MRPS28: variants seen among roughly 807,000 people sequenced by gnomAD.
MRPS28 encodes the protein mitochondrial ribosomal protein S28, also known as small ribosomal subunit protein bS1m.
A neutral mutation model predicts 10.8 loss-of-function variants in MRPS28; 7 were observed. The ratio of observed to expected loss-of-function variants is 0.65; its 90% CI spans 0.37 to 1.22. MRPS28 has a LOEUF of 1.22. MRPS28 is among the 50% of genes most tolerant of loss of function. The probability of loss-of-function intolerance (pLI) is 0.02; values close to 1 mark genes in which losing one functional copy is unlikely to be tolerated. For synonymous variants in MRPS28, 121 were observed against 93.3 expected (o/e 1.30, Z -1.71); for missense variants, 265 against 232.9 (o/e 1.14, Z -0.90).
At chr8:80,008,345 T>C (rs1157898505) in intron 1 of MRPS28, among the ~76,000 whole-genome samples, 2 of 134,908 alleles carry the variant, frequency 1.5e-5, no homozygotes, top group African/African-American at 2.6e-5. Flanking sequence ...GGCAATACCA[T>C]ACAGGACAAA....
intron 2 of MRPS28, among the ~76,000 whole-genome samples, chr8:79,955,196 T>C (rs1403285393): frequency 6.6e-5 from 10 of 152,308 alleles, no homozygotes; most frequent in African/African-American, 1.7e-4. Context: ...TCACAAGCCA[T>C]TGCCCAGTTT....
chr8:79,933,116 T>C (rs892790136), intron 2 of MRPS28, among the ~76,000 whole-genome samples: 3 of 152,236 alleles, frequency 2.0e-5, no homozygotes, highest in Non-Finnish European at 4.4e-5. Context: ...TGTTTATATA[T>C]GTGTATATTA....
intron 2 of MRPS28, among the ~76,000 whole-genome samples, chr8:79,972,602 C>T (rs1386752018): frequency 6.6e-6 from 1 of 152,216 alleles, no homozygotes; most frequent in Admixed American, 6.5e-5. Flanking sequence ...TACATTCACA[C>T]TCATCGAAAA....
intron 2 of MRPS28, among the ~76,000 whole-genome samples, chr8:79,989,416 A>G (rs1249948572): frequency 1.3e-5 from 2 of 152,342 alleles, no homozygotes; most frequent in East Asian, 3.9e-4. Flanking sequence ...CATAGAAGCA[A>G]AGAACAGATG....
At chr8:79,979,696 G>A (rs1430902473) in intron 2 of MRPS28, among the ~76,000 whole-genome samples, 1 of 151,498 alleles carries the variant, frequency 6.6e-6, no homozygotes, top group Non-Finnish European at 1.5e-5. Context: ...TCCCAGGTCT[G>A]CTTTTTAACT....
At chr8:80,018,333 T>C (rs1409442656) in intron 1 of MRPS28, among the ~76,000 whole-genome samples, 2 of 138,026 alleles carry the variant, frequency 1.4e-5, no homozygotes, top group African/African-American at 5.4e-5. Context: ...ATAATCTGAA[T>C]GGACCTTTCT....
rs1339008025 is a variant in MRPS28 at position 79,958,453 on chromosome 8, T to C, written c.396-39305A>G. 4.6e-6 allele frequency: 3 copies of C among 649,660 alleles called. No individual in the cohort carries two copies. The East Asian group carries it at 8.7e-5, about 19-fold the overall frequency. The allele number at this position is 649,660 out of a possible 1,614,324, so 40.2% of individuals were successfully genotyped here. Reference sequence around the variant, plus strand: ...TGGGACTCCTGAGTGAAGGAGAAAATGTTGAGATTCAGAAGAACTCAAGGC... The same window carrying C: ...TGGGACTCCTGAGTGAAGGAGAAAACGTTGAGATTCAGAAGAACTCAAGGC... On this transcript the variant is annotated intron_variant, in intron 2 of 2. Coordinates refer to ENST00000276585, the MANE Select transcript of MRPS28 (RefSeq NM_014018.3).
intron 2 of MRPS28, among the ~76,000 whole-genome samples, chr8:79,924,039 C>A (rs1433068277): frequency 3.3e-5 from 5 of 152,160 alleles, no homozygotes; most frequent in Non-Finnish European, 7.4e-5. Flanking sequence ...TTGATATAAA[C>A]ATATTAAGTA....
At chr8:79,951,110 A>C (rs1586054429) in intron 2 of MRPS28, among the ~76,000 whole-genome samples, 1 of 152,178 alleles carries the variant, frequency 6.6e-6, no homozygotes, top group East Asian at 1.9e-4. Flanking sequence ...AGAAGGGCCC[A>C]GTGCTTGGGT....
chr8:79,991,638 T>A (rs1808364040), intron 2 of MRPS28, among the ~76,000 whole-genome samples: 1 of 152,220 alleles, frequency 6.6e-6, no homozygotes, highest in Admixed American at 6.5e-5. Context: ...GAGAAAGATG[T>A]TTCCATTTTC....
intron 2 of MRPS28, among the ~76,000 whole-genome samples, chr8:79,950,192 A>G (rs1328270360): frequency 2.0e-5 from 3 of 152,174 alleles, no homozygotes; most frequent in African/African-American, 7.2e-5. Context: ...CTTGTGTATC[A>G]ATAAAACAAA....
chr8:79,969,926 A>G (rs1367955089), intron 2 of MRPS28, among the ~76,000 whole-genome samples: 1 of 152,210 alleles, frequency 6.6e-6, no homozygotes, highest in Non-Finnish European at 1.5e-5. Context: ...GCTCTTCTGC[A>G]GAACACATTT....
At chr8:80,025,857 TAC>T (rs1275640029) in intron 1 of MRPS28, among the ~76,000 whole-genome samples, 1 of 152,206 alleles carries the variant, frequency 6.6e-6, no homozygotes, top group East Asian at 1.9e-4. Flanking sequence ...CTGCAGAATT[TAC>T]ACTCTTTAAC....
chr8:79,965,461 T>A (rs1807479880), intron 2 of MRPS28, among the ~76,000 whole-genome samples: 1 of 152,218 alleles, frequency 6.6e-6, no homozygotes, highest in South Asian at 2.1e-4. Context: ...AGATCTGGCA[T>A]AGAATCAACC....
chr8:80,014,088 AGC>A (rs961152091), intron 1 of MRPS28, among the ~76,000 whole-genome samples: 2 of 152,096 alleles, frequency 1.3e-5, no homozygotes, highest in African/African-American at 4.8e-5. Context: ...AAGAAGAAGA[AGC>A]TGTGAAAAAA....
At chr8:79,997,524 A>G (rs755225443) in intron 2 of MRPS28, among the ~76,000 whole-genome samples, 2 of 152,100 alleles carry the variant, frequency 1.3e-5, no homozygotes, top group Non-Finnish European at 1.5e-5. Flanking sequence ...TTTTGTTTCA[A>G]TCTACAGTTT....
At chr8:79,951,748 T>C (rs1807085306) in intron 2 of MRPS28, among the ~76,000 whole-genome samples, 1 of 152,214 alleles carries the variant, frequency 6.6e-6, no homozygotes, top group Non-Finnish European at 1.5e-5. Flanking sequence ...GATGCCCCCT[T>C]TCCTGTACCT....
At chr8:80,029,972 C>A (rs1429328098) in intron 1 of MRPS28, 64 bp downstream of exon 1, 6 of 1,570,336 alleles carry the variant, frequency 3.8e-6, no homozygotes, top group South Asian at 1.2e-5. Flanking sequence ...CCCCTATTCC[C>A]GACCCCGCCC....
chr8:80,030,131 A>G lies in MRPS28; in HGVS notation c.118T>C (p.Ser40Pro). Residue 40 changes from serine to proline, a missense_variant, in exon 1 of 3, where the codon TCC (serine) becomes CCC (proline). Ser to Pro is a moderately conservative substitution (Grantham distance 74). Transcript: ENST00000276585. The part of the protein sequence containing the change: ...GTESGSESGS[S>P]NAKEPKTRAG... ...CGCGTCTTAGGCTCCTTGGCATTGG[A>G]ACTACCACTTTCGGATCCACTCTCA... 6.2e-7 allele frequency: 1 copy of G among 1,613,072 alleles called. No homozygotes were observed. The highest frequency in any genetic ancestry group is 1.1e-5 in the South Asian group (1 of 91,078).
Sources: allele counts gnomAD v4.1 joint callset (sites outside exome capture counted in the v4.1 genomes callset), GRCh38; gene constraint gnomAD v4.1.1; transcripts MANE v1.5; gene names NCBI Gene and HGNC (gene_info 2026-07-23, HGNC 2026-07-21).